RANBP17: variants seen among roughly 807,000 people sequenced by gnomAD.
The protein encoded by RANBP17 is ran-binding protein 17.
RANBP17 carries 158 observed loss-of-function variants against 141.2 expected under a neutral mutation model. The ratio of observed to expected loss-of-function variants is 1.12; its 90% CI spans 0.98 to 1.28. The LOEUF (loss-of-function observed/expected upper bound fraction) is 1.28. RANBP17 is among the 50% of genes most tolerant of loss of function. RANBP17 has a pLI of 0.00. For missense variants in RANBP17, 1,438 were observed against 1,290.7 expected (o/e 1.11, Z -1.75); for synonymous variants, 430 against 450.0 (o/e 0.96, Z 0.56).
intron 14 of RANBP17, among the ~76,000 whole-genome samples, chr5:171,144,004 G>A (rs1057482762): frequency 3.3e-5 from 5 of 152,190 alleles, no homozygotes; most frequent in Non-Finnish European, 5.9e-5. Context: ...TACTATAGTT[G>A]GGAAGGGCCA....
chr5:170,947,548 G>A (rs1444161712), intron 12 of RANBP17, among the ~76,000 whole-genome samples: 6 of 152,136 alleles, frequency 3.9e-5, no homozygotes, highest in Non-Finnish European at 7.3e-5. Flanking sequence ...GGCTTATCAG[G>A]TAACAATTGC....
At chr5:171,129,180 A>C (rs1191694037) in intron 14 of RANBP17, among the ~76,000 whole-genome samples, 1 of 152,180 alleles carries the variant, frequency 6.6e-6, no homozygotes, top group Non-Finnish European at 1.5e-5. Context: ...ATGGGTAGAG[A>C]GACATGAAGC....
At chr5:170,896,889 G>A in intron 5 of RANBP17, 4 of 573,476 alleles carry the variant, frequency 7.0e-6, no homozygotes, top group South Asian at 3.6e-5. Context: ...TGCAGAGGCC[G>A]GCGCGGCTCA....
At chr5:171,102,435 A>G (rs940216057) in intron 14 of RANBP17, among the ~76,000 whole-genome samples, 3 of 151,812 alleles carry the variant, frequency 2.0e-5, no homozygotes, top group South Asian at 2.1e-4. Context: ...TGTTTTTTTC[A>G]GCTCCATCAG....
intron 12 of RANBP17, among the ~76,000 whole-genome samples, chr5:170,930,441 A>G (rs1773266540): frequency 6.6e-6 from 1 of 151,016 alleles, no homozygotes; most frequent in Non-Finnish European, 1.5e-5. Flanking sequence ...TTTAAGTTCT[A>G]GGGTACATGT....
intron 12 of RANBP17, among the ~76,000 whole-genome samples, chr5:170,937,313 G>T (rs1773963054): frequency 6.6e-6 from 1 of 152,122 alleles, no homozygotes; most frequent in African/African-American, 2.4e-5. Context: ...TTGTCTTTCT[G>T]TTTAGGGCAG....
At chr5:171,030,363 C>A (rs1781479020) in intron 14 of RANBP17, among the ~76,000 whole-genome samples, 1 of 151,978 alleles carries the variant, frequency 6.6e-6, no homozygotes, top group South Asian at 2.1e-4. Context: ...TATATTAGGA[C>A]AACTAAGTTA....
intron 19 of RANBP17, among the ~76,000 whole-genome samples, chr5:171,204,143 A>G (rs1581016910): frequency 1.3e-5 from 2 of 152,184 alleles, no homozygotes; most frequent in African/African-American, 2.4e-5. Flanking sequence ...AGTATGAGAA[A>G]AAAAGGAGTA....
At position 170,924,387 on chromosome 5, in the gene RANBP17, T is replaced by A. The variant is rs1014156619; in HGVS notation, c.1305T>A (p.Thr435=). Residue 435 remains threonine, a synonymous_variant, in exon 12 of 28, where the codon ACT becomes ACA. Coordinates refer to ENST00000523189, the MANE Select transcript of RANBP17 (RefSeq NM_022897.5). ...ACTTAGATGATCCACTGGATGATAC[T>A]GCCACTGTGTTTCAGCAGTTGGAGC... is the stretch of plus-strand genomic sequence containing the variant. The part of the protein sequence containing the change: ...RDHLDDPLDD[T]ATVFQQLEQL... 72 of 1,603,376 alleles carry A rather than the reference T, an allele frequency of 4.5e-5. No homozygotes were observed. The highest frequency in any genetic ancestry group is 5.6e-5 in the Non-Finnish European group (66 of 1,171,408).
intron 1 of RANBP17, among the ~76,000 whole-genome samples, chr5:170,867,872 T>C (rs911418123): frequency 6.6e-6 from 1 of 152,136 alleles, no homozygotes; most frequent in Non-Finnish European, 1.5e-5. Flanking sequence ...CCCCCAAAAG[T>C]TTCCTTGTGC....
chr5:171,090,193 T>G (rs1233206669), intron 14 of RANBP17, among the ~76,000 whole-genome samples: 1 of 152,132 alleles, frequency 6.6e-6, no homozygotes, highest in Non-Finnish European at 1.5e-5. Flanking sequence ...TTGACCAAAA[T>G]GCTGATAATG....
intron 3 of RANBP17, among the ~76,000 whole-genome samples, chr5:170,891,139 C>T (rs1431431626): frequency 2.0e-5 from 3 of 152,082 alleles, no homozygotes; most frequent in Non-Finnish European, 4.4e-5. Context: ...AAGCACAGGG[C>T]TTATGAGAGA....
intron 14 of RANBP17, among the ~76,000 whole-genome samples, chr5:171,081,261 CTAATA>C (rs1234139806): frequency 6.6e-6 from 1 of 152,090 alleles, no homozygotes; most frequent in Non-Finnish European, 1.5e-5. Flanking sequence ...GTCAGTAAAA[CTAATA>C]TAAGTGATGG....
intron 13 of RANBP17, among the ~76,000 whole-genome samples, chr5:170,961,208 A>G (rs996036454): frequency 3.9e-5 from 6 of 152,204 alleles, no homozygotes; most frequent in Non-Finnish European, 8.8e-5. Flanking sequence ...ATAGATTTCT[A>G]GAGGACTGGG....
intron 24 of RANBP17, among the ~76,000 whole-genome samples, chr5:171,256,852 A>G (rs1280081046): frequency 6.6e-6 from 1 of 152,180 alleles, no homozygotes; most frequent in Admixed American, 6.5e-5. Context: ...CTGAGATTGA[A>G]CCAGGAAGAA....
chr5:171,043,307 C>G (rs1270096496), intron 14 of RANBP17, among the ~76,000 whole-genome samples: 3 of 152,084 alleles, frequency 2.0e-5, no homozygotes, highest in Admixed American at 2.0e-4. Flanking sequence ...GGAACTGTTT[C>G]TTCAAATGAA....
intron 14 of RANBP17, among the ~76,000 whole-genome samples, chr5:171,088,792 G>A (rs1363625160): frequency 6.6e-6 from 1 of 151,982 alleles, no homozygotes; most frequent in Non-Finnish European, 1.5e-5. Flanking sequence ...CGTAGTTCTC[G>A]AGCCTTGGTT....
chr5:171,077,503 T>A (rs192845072), intron 14 of RANBP17, among the ~76,000 whole-genome samples: 30 of 152,122 alleles, frequency 2.0e-4, no homozygotes, highest in African/African-American at 7.0e-4. Context: ...ATATACAAAT[T>A]TAAAATCGCC....
At chr5:171,221,639 G>A in intron 21 of RANBP17, 119 bp from the exon 22 acceptor site, 1 of 664,032 alleles carries the variant, frequency 1.5e-6, no homozygotes, top group Non-Finnish European at 2.7e-6. Flanking sequence ...AAATGGAGTG[G>A]AACTTTAAGA....
Sources: gnomAD v4.1 joint callset for allele counts (sites outside exome capture counted in the v4.1 genomes callset) on GRCh38, gnomAD v4.1.1 for gene constraint, MANE v1.5 for transcripts, NCBI Gene and HGNC (gene_info 2026-07-23, HGNC 2026-07-21) for gene names.